The following COMMD5 variants were observed in gnomAD, a reference collection of about 807,000 sequenced individuals.
COMMD5 encodes COMM domain containing 5, also known as COMM domain-containing protein 5.
A neutral mutation model predicts 6.9 loss-of-function variants in COMMD5; 10 were observed. That is an observed-to-expected ratio of 1.44 (90% confidence interval 0.89 to 2.45). COMMD5 has a LOEUF of 2.45. Ranked by LOEUF, COMMD5 falls within the 30% of genes most tolerant of loss-of-function variation. The probability of loss-of-function intolerance (pLI) is 0.00; values close to 1 mark genes in which losing one functional copy is unlikely to be tolerated. For missense variants in COMMD5, 234 were observed against 287.8 expected (o/e 0.81, Z 1.35); for synonymous variants, 127 against 125.3 (o/e 1.01, Z -0.09).
At chr8:144,841,564 T>C (rs1563840280) in exon 2 of COMMD5, 2 of 1,614,056 alleles carry the variant, frequency 1.2e-6, no homozygotes, top group African/African-American at 1.3e-5. Context: ...AAATAACTGT[T>C]TGAATGAGGA....
Position 144,850,633 on chromosome 8 carries a change from C to T in COMMD5, c.*31G>A, listed in dbSNP as rs749992308. 8.2e-6 allele frequency: 13 copies of T among 1,591,504 alleles called. No homozygotes were observed. Among genetic ancestry groups the T allele is most frequent in the South Asian group, 2.2e-5 (2 of 89,404 alleles). ...CACCATCTCAGGTGCCTGTCCAAGC[C>T]GGATCTGAATGGGACTGGTCAAGTG... On this transcript the variant is annotated 3_prime_UTR_variant, in exon 2 of 2. Transcript: ENST00000305103. This position sits in a 1 kb window ranked among gnomAD's most constrained non-coding sequence, Gnocchi z 4.0.
intron 1 of COMMD5, among the ~76,000 whole-genome samples, chr8:144,844,234 C>CCTGT (rs1340909330): frequency 1.3e-5 from 2 of 152,130 alleles, no homozygotes; most frequent in African/African-American, 4.8e-5. Context: ...CCTTACTGGG[C>CCTGT]CTGTCAGAGA....
intron 1 of COMMD5, chr8:144,852,462 C>T (rs1830789808): frequency 6.6e-6 from 1 of 152,418 alleles, no homozygotes; most frequent in African/African-American, 2.4e-5. Flanking sequence ...GGTACTGGAG[C>T]AGAGCTCAGC....
At position 144,850,597 on chromosome 8, in the gene COMMD5, C is replaced by A; in HGVS notation, c.*67G>T. The A allele has an allele frequency of 6.5e-7, 1 of 1,537,508 alleles. No individual in the cohort carries two copies. The highest frequency in any genetic ancestry group is 8.8e-7 in the Non-Finnish European group (1 of 1,132,900). On this transcript the variant is annotated 3_prime_UTR_variant, in exon 2 of 2. Coordinates refer to ENST00000305103, the MANE Select transcript of COMMD5 (RefSeq NM_014066.4). The surrounding 1 kb of genome is among the most constrained non-coding windows in gnomAD (Gnocchi z 4.0). ...GCAGGGCTGTCGTGGGAAGAGTCAG[C>A]TGCACTTTGGCACCATCTCAGGTGC...
chr8:144,846,432 C>T, downstream of COMMD5: 1 of 406,804 alleles, frequency 2.5e-6, no homozygotes, highest in South Asian at 4.1e-5. Context: ...TGTCCCTGGG[C>T]TTGGTGATGC....
rs371328479 is a variant in COMMD5, at chr8:144,850,634, G to A, written c.*30C>T. On this transcript the variant is annotated 3_prime_UTR_variant, in exon 2 of 2. Transcript: ENST00000305103. The surrounding 1 kb of genome is among the most constrained non-coding windows in gnomAD (Gnocchi z 4.0). ...ACCATCTCAGGTGCCTGTCCAAGCCGGATCTGAATGGGACTGGTCAAGTGA... is the reference window on the plus strand; with the variant it reads ...ACCATCTCAGGTGCCTGTCCAAGCCAGATCTGAATGGGACTGGTCAAGTGA... 1.4e-5 allele frequency: 22 copies of A among 1,592,318 alleles called. No individual in the cohort carries two copies. The highest frequency in any genetic ancestry group is 4.5e-5 in the East Asian group (2 of 44,422).
chr8:144,842,028 A>G (rs1377608943), intron 1 of COMMD5: 1 of 1,613,974 alleles, frequency 6.2e-7, no homozygotes, highest in Admixed American at 1.7e-5. Flanking sequence ...AGCCCTACAG[A>G]TGTGAGGAAT....
chr8:144,842,669 G>A lies in COMMD5; in HGVS notation c.*117-926C>T. 1.9e-6 allele frequency: 3 copies of A among 1,614,156 alleles called. No individual in the cohort carries two copies. The Admixed American group carries it at 5.0e-5, about 27-fold the overall frequency. ...ATTTACCATCAGAGAATCCATAAAG[G>A]AGAGAAGCCCTACGAATGCCTCCAA... On this transcript the variant is annotated intron_variant and NMD_transcript_variant, in intron 1 of 1. Transcript: ENST00000530332.
chr8:144,841,735 G>C, exon 2 of COMMD5: 1 of 1,614,168 alleles, frequency 6.2e-7, no homozygotes, highest in Non-Finnish European at 8.5e-7. Flanking sequence ...AGCCACTTCA[G>C]ATATCGCTCT....
chr8:144,843,509 G>A (rs563122293), intron 1 of COMMD5: 19 of 166,856 alleles, frequency 1.1e-4, no homozygotes, highest in East Asian at 8.1e-4. Context: ...AATGGCATCA[G>A]CCCAGGAGGC....
chr8:144,837,979 TAAA>T (rs980169704), downstream of COMMD5: 3 of 679,976 alleles, frequency 4.4e-6, no homozygotes, highest in Non-Finnish European at 8.1e-6. Context: ...CTAGGAAGCT[TAAA>T]ACAACAGAAA....
downstream of COMMD5, among the ~76,000 whole-genome samples, chr8:144,849,047 T>G (rs761172691): frequency 2.0e-5 from 3 of 152,158 alleles, no homozygotes; most frequent in Non-Finnish European, 4.4e-5. Context: ...GGCAGGTCCA[T>G]GCTCTGGGCT....
Position 144,851,244 on chromosome 8 carries a change from T to G in COMMD5, c.95A>C (p.Glu32Ala). The change falls in exon 2 of 2, where the codon GAG (glutamate) becomes GCG (alanine). Residue 32 changes from glutamate to alanine, a missense_variant. Transcript: ENST00000305103. ...TAGTAGCCGGGCCATTGCTGCCACC[T>G]CTGGAGGAAGCTGGGCCCCCAAGAA... ...VSFLGAQLPPEVAAMARLLGD... is the reference protein window; with the variant it reads ...VSFLGAQLPPAVAAMARLLGD... The G allele has an allele frequency of 6.2e-7, 1 of 1,613,992 alleles. No individual in the cohort carries two copies. Among genetic ancestry groups the G allele is most frequent in the Non-Finnish European group, 8.5e-7 (1 of 1,180,000 alleles).
At chr8:144,842,855 G>C in intron 1 of COMMD5, 1 of 1,614,236 alleles carries the variant, frequency 6.2e-7, no homozygotes, top group East Asian at 2.2e-5. Context: ...CCCTATGAGT[G>C]CAGTGAGTGT....
At chr8:144,841,034 G>A (rs559053222), downstream of COMMD5, 2 of 272,642 alleles carry the variant, frequency 7.3e-6, no homozygotes, top group Non-Finnish European at 1.4e-5. Context: ...CCACCCTTCT[G>A]GTCTTGCTTT....
Position 144,841,259 on chromosome 8 carries a change from AT to A in COMMD5, c.*600del, listed in dbSNP as rs1469303115. ...GGGCCTCACAGTGCTCAGTGCAACT[AT>A]CCTGGGAGCCTTGAGCCCTGGCCCC... On this transcript the variant is annotated 3_prime_UTR_variant and NMD_transcript_variant, in exon 2 of 2. Transcript: ENST00000530332. 1.7e-5 allele frequency: 22 copies of A among 1,303,838 alleles called. No individual in the cohort carries two copies. The Middle Eastern group carries it at 9.9e-4, about 58-fold the overall frequency. The allele number at this position is 1,303,838 out of a possible 1,614,324, so 80.8% of individuals were successfully genotyped here. A position where few individuals can be genotyped will look rare whatever the true frequency, so the allele number is the denominator to read the frequency against.
downstream of COMMD5, among the ~76,000 whole-genome samples, chr8:144,848,924 G>T (rs191945273): frequency 6.6e-5 from 10 of 152,338 alleles, no homozygotes; most frequent in East Asian, 9.7e-4. Flanking sequence ...TTTCATGGCT[G>T]TGTCTTGATT....
In COMMD5 at chr8:144,843,385, T is replaced by C. The variant is rs561183404; in HGVS notation, c.*117-1642A>G. 684 of 494,926 alleles carry C rather than the reference T, an allele frequency of 1.4e-3. 4 individuals carry two copies. Among genetic ancestry groups the C allele is most frequent in the East Asian group, 7.3e-3 (211 of 28,868 alleles). 30.7% of individuals were successfully genotyped at this position (494,926 alleles called of 1,614,324 possible). ...CGGGCACATCACGAGGTCAGGAGGT[T>C]GAGACCATCCTGGGTAACAGGTGAA... is the stretch of plus-strand genomic sequence containing the variant. On this transcript the variant is annotated intron_variant and NMD_transcript_variant, in intron 1 of 1. Transcript: ENST00000530332.
At chr8:144,838,243 C>T, downstream of COMMD5, 1 of 662,090 alleles carries the variant, frequency 1.5e-6, no homozygotes, top group Admixed American at 2.1e-5. Flanking sequence ...GGACACCAGT[C>T]ATGGTGGGTT....
Sources: gnomAD v4.1 joint callset for allele counts (sites outside exome capture counted in the v4.1 genomes callset) on GRCh38, gnomAD v4.1.1 for gene constraint, Gnocchi (gnomAD v3.1) non-coding constraint, MANE v1.5 for transcripts, NCBI Gene and HGNC (gene_info 2026-07-23, HGNC 2026-07-21) for gene names.